Variants in USH2A observed in about 807,000 individuals in gnomAD.
USH2A encodes the protein usherin.
Under a neutral mutation model 538.9 loss-of-function variants are expected in USH2A, and 443 were observed. That is an observed-to-expected ratio of 0.82 (90% confidence interval 0.76 to 0.89). USH2A has a LOEUF of 0.89. Ranked by LOEUF, USH2A falls within the 40% of genes least tolerant of loss-of-function variation. USH2A has a pLI of 0.00. For synonymous variants in USH2A, 2,413 were observed against 2,273.5 expected (o/e 1.06, Z -1.75); for missense variants, 6,633 against 6,324.8 (o/e 1.05, Z -1.65).
chr1:215,813,453 A>G (rs1254571864), intron 49 of USH2A, among the ~76,000 whole-genome samples: 1 of 152,216 alleles, frequency 6.6e-6, no homozygotes, highest in African/African-American at 2.4e-5. Context: ...ATGTTAATAA[A>G]AAAAGCCACA....
intron 39 of USH2A, 62 bp from the exon 40 acceptor site, chr1:215,900,279 A>C (rs547670519): frequency 6.3e-7 from 1 of 1,584,300 alleles, no homozygotes; most frequent in South Asian, 1.1e-5. Context: ...AAAGCAAGTA[A>C]ATTTCTTACT....
chr1:216,215,309 G>A lies in USH2A; in HGVS notation c.3157+2078C>T, dbSNP rs920697486. The stretch of plus-strand genomic sequence containing the variant: ...ATGAAAATATTTCTTGACATCTGTT[G>A]GATACAGAGACAAATACTAGTCAGA... On this transcript the variant is annotated intron_variant, in intron 15 of 71. Coordinates refer to ENST00000307340, the MANE Select transcript of USH2A (RefSeq NM_206933.4). Among the ~76,000 whole-genome samples the A allele has an allele frequency of 2.0e-5, 3 of 152,124 alleles. 1 individual carries two copies. The South Asian group carries it at 6.2e-4, about 32-fold the overall frequency.
At chr1:216,111,818 T>C (rs2102586261) in intron 21 of USH2A, among the ~76,000 whole-genome samples, 1 of 151,560 alleles carries the variant, frequency 6.6e-6, no homozygotes, top group South Asian at 2.1e-4. Context: ...CTTGCACACA[T>C]AAAGACAGCA....
intron 37 of USH2A, among the ~76,000 whole-genome samples, chr1:215,939,412 C>T (rs918410588): frequency 6.6e-6 from 1 of 152,110 alleles, no homozygotes; most frequent in East Asian, 1.9e-4. Context: ...AAAAAATAGA[C>T]CAAATAAATC....
At chr1:215,863,833 G>A (rs1341527186) in intron 44 of USH2A, among the ~76,000 whole-genome samples, 1 of 152,064 alleles carries the variant, frequency 6.6e-6, no homozygotes, top group Non-Finnish European at 1.5e-5. Context: ...AAAGGAAATA[G>A]AGAAAGAAGG....
chr1:215,834,139 A>G (rs1183312068), intron 47 of USH2A, among the ~76,000 whole-genome samples: 3 of 152,152 alleles, frequency 2.0e-5, no homozygotes, highest in Admixed American at 6.6e-5. Context: ...TGTTACAGTC[A>G]CTTTGTAAAT....
At chr1:216,143,084 A>T (rs1428560040) in intron 21 of USH2A, among the ~76,000 whole-genome samples, 2 of 151,824 alleles carry the variant, frequency 1.3e-5, no homozygotes, top group Non-Finnish European at 2.9e-5. Context: ...GCCCTTCATC[A>T]TTTTTTTGTT....
intron 14 of USH2A, among the ~76,000 whole-genome samples, chr1:216,231,536 A>T (rs1021119998): frequency 8.2e-5 from 11 of 133,562 alleles, no homozygotes; most frequent in Admixed American, 3.4e-4. Context: ...CAAAAAACAT[A>T]TCAATAACAA....
intron 15 of USH2A, among the ~76,000 whole-genome samples, chr1:216,215,668 A>C (rs2102493606): frequency 6.6e-6 from 1 of 152,216 alleles, no homozygotes; most frequent in East Asian, 1.9e-4. Flanking sequence ...GTTAAATAAA[A>C]ACCTAAAACA....
chr1:216,196,902 A>C (rs1173195206), intron 18 of USH2A, among the ~76,000 whole-genome samples, 180 bp from the exon 19 acceptor site: 1 of 152,186 alleles, frequency 6.6e-6, no homozygotes, highest in East Asian at 1.9e-4. Flanking sequence ...TTAAAATGTT[A>C]TCTGAAAGTA....
At position 216,401,545 on chromosome 1, in the gene USH2A, C is replaced by T. The variant is rs149041855; in HGVS notation, c.651+16969G>A. On this transcript the variant is annotated intron_variant, in intron 3 of 71. Transcript: ENST00000307340. The stretch of plus-strand genomic sequence containing the variant: ...TTTAAAAAAGTATCCAAAAAATATG[C>T]TATCTGTACAACATTCACTTCATGG... Among the ~76,000 whole-genome samples, 351 of 152,054 alleles carry T rather than the reference C, an allele frequency of 2.3e-3. 1 individual carries two copies. Among genetic ancestry groups the T allele is most frequent in the African/African-American group, 7.9e-3 (327 of 41,514 alleles).
chr1:216,161,733 GA>G (rs545269713), intron 21 of USH2A, among the ~76,000 whole-genome samples: 2 of 152,004 alleles, frequency 1.3e-5, no homozygotes, highest in African/African-American at 4.8e-5. Flanking sequence ...CTTTTGTTAA[GA>G]AAAATATTTT....
chr1:215,910,677 C>T (rs546747434), intron 38 of USH2A, among the ~76,000 whole-genome samples: 1 of 152,050 alleles, frequency 6.6e-6, no homozygotes, highest in East Asian at 1.9e-4. Flanking sequence ...ATGCTTTACT[C>T]ATTTATTATT....
intron 47 of USH2A, among the ~76,000 whole-genome samples, chr1:215,826,552 A>G (rs965626495): frequency 1.3e-5 from 2 of 152,190 alleles, no homozygotes; most frequent in African/African-American, 4.8e-5. Flanking sequence ...TCTTTGAACT[A>G]GATGCGAGGC....
chr1:216,119,914 A>G (rs2033092446), intron 21 of USH2A, among the ~76,000 whole-genome samples: 1 of 152,140 alleles, frequency 6.6e-6, no homozygotes, highest in Non-Finnish European at 1.5e-5. Context: ...TTCCAAGTGC[A>G]CAGACATTGA....
At chr1:216,089,723 G>T (rs141981777) in intron 22 of USH2A, among the ~76,000 whole-genome samples, 2 of 151,788 alleles carry the variant, frequency 1.3e-5, no homozygotes, top group African/African-American at 4.8e-5. Context: ...TCTGGCTAAG[G>T]TAATCATATA....
intron 50 of USH2A, among the ~76,000 whole-genome samples, chr1:215,795,209 C>A (rs10864199): frequency 1.3e-5 from 2 of 152,032 alleles, no homozygotes; most frequent in Non-Finnish European, 2.9e-5. Flanking sequence ...CCAAAGCACA[C>A]GCTATTATTT....
At chr1:216,076,492 G>GTACA (rs1259977607) in intron 27 of USH2A, among the ~76,000 whole-genome samples, 2 of 151,990 alleles carry the variant, frequency 1.3e-5, no homozygotes, top group African/African-American at 2.4e-5. Context: ...GAACAAGGCT[G>GTACA]TACATGCAGG....
intron 38 of USH2A, among the ~76,000 whole-genome samples, chr1:215,932,717 G>T (rs1315221451): frequency 6.6e-6 from 1 of 151,988 alleles, no homozygotes; most frequent in Non-Finnish European, 1.5e-5. Flanking sequence ...ACATAAAGTG[G>T]AGGATTGCAT....
Sources: gnomAD v4.1 joint callset for allele counts (sites outside exome capture counted in the v4.1 genomes callset) on GRCh38, gnomAD v4.1.1 for gene constraint, MANE v1.5 for transcripts, NCBI Gene and HGNC (gene_info 2026-07-23, HGNC 2026-07-21) for gene names.